Variants in ITPR2 observed in about 807,000 individuals in gnomAD.
ITPR2 encodes inositol 1,4,5-trisphosphate receptor type 2.
In ITPR2, 207 loss-of-function variants were observed where a neutral mutation model predicts 317.1. The ratio of observed to expected loss-of-function variants is 0.65; its 90% CI spans 0.58 to 0.73. The LOEUF is 0.73. Ranked by LOEUF, ITPR2 falls within the 30% of genes least tolerant of loss-of-function variation. The pLI, the probability that ITPR2 is intolerant of heterozygous loss-of-function variation, is 0.00. For synonymous variants in ITPR2, 1,156 were observed against 1,149.1 expected, an observed-to-expected ratio of 1.01 and a Z score of -0.12; for missense variants, 2,613 against 3,284.0, an observed-to-expected ratio of 0.80 and a Z score of 4.99.
chr12:26,769,025 A>ACACACACC (rs1441493996), intron 2 of ITPR2, among the ~76,000 whole-genome samples: 1 of 149,922 alleles, frequency 6.7e-6, no homozygotes, highest in African/African-American at 2.5e-5. Flanking sequence ...ACACACACAC[A>ACACACACC]CCCCAATCTC....
At chr12:26,794,574 T>C (rs10771303) in intron 1 of ITPR2, among the ~76,000 whole-genome samples, 73,856 of 151,956 alleles carry the variant, frequency 0.49, 19,478 homozygotes, top group East Asian at 0.92. Flanking sequence ...TGATGAGATA[T>C]TCTTCTGTGA....
At chr12:26,676,195 G>T (rs1947903507) in intron 13 of ITPR2, among the ~76,000 whole-genome samples, 2 of 151,170 alleles carry the variant, frequency 1.3e-5, no homozygotes, top group Admixed American at 6.6e-5. Flanking sequence ...AGTAAATTCT[G>T]GCTGGGCATG....
chr12:26,340,317 C>A lies in ITPR2; in HGVS notation c.7869G>T (p.Leu2623Phe). 1 of 1,599,402 alleles carries A rather than the reference C, an allele frequency of 6.3e-7. No individual in the cohort carries two copies. Among genetic ancestry groups the A allele is most frequent in the Admixed American group, 1.7e-5 (1 of 58,054 alleles). Residue 2623 changes from leucine (L) to phenylalanine (F), a missense_variant, in exon 56 of 57, where the codon TTG becomes TTT. By Grantham distance (22) the Leu-to-Phe change is conservative. This residue lies in a region of ITPR2 where 119 missense variants were observed against 144.3 expected (regional missense o/e 0.82). Coordinates refer to ENST00000381340, the MANE Select transcript of ITPR2 (RefSeq NM_002223.4). ...TGGCTCGCATCCGAGGAAACCAATCCAAATTCTTCTCCTGAAAGCAAATAA... is the reference window on the plus strand; with the variant it reads ...TGGCTCGCATCCGAGGAAACCAATCAAAATTCTTCTCCTGAAAGCAAATAA... ...YVAQMIVEKN[L>F]DWFPRMRAMS... is the part of the protein sequence containing the mutation.
chr12:26,647,813 G>C (rs745771330), intron 21 of ITPR2, among the ~76,000 whole-genome samples: 20 of 152,246 alleles, frequency 1.3e-4, no homozygotes, highest in Non-Finnish European at 2.6e-4. Flanking sequence ...CTGAAGATCT[G>C]ATCTTCTATT....
At chr12:26,524,161 A>G (rs1454508040) in intron 37 of ITPR2, among the ~76,000 whole-genome samples, 2 of 150,222 alleles carry the variant, frequency 1.3e-5, no homozygotes, top group Non-Finnish European at 3.0e-5. Context: ...GCAAATTTCA[A>G]ATACTCCATT....
rs147420131 is a variant in ITPR2 at position 26,590,039 on chromosome 12, T to C, written c.4380+5426A>G. Among the ~76,000 whole-genome samples, 301 of 151,694 alleles carry C rather than the reference T, an allele frequency of 2.0e-3. 3 individuals are homozygous for C. The East Asian group carries it at 0.038, about 19-fold the overall frequency. On this transcript the variant is annotated intron_variant, in intron 32 of 56. Coordinates refer to ENST00000381340, the MANE Select transcript of ITPR2 (RefSeq NM_002223.4). ...GTTGAAACTAGAATCCCAGAAACTA[T>C]ATCAGAAGAGGAATAACTGAAAGAC...
intron 54 of ITPR2, among the ~76,000 whole-genome samples, chr12:26,396,023 T>A (rs993104591): frequency 1.8e-4 from 27 of 151,698 alleles, no homozygotes; most frequent in East Asian, 5.8e-4. Context: ...CATTTAAAAA[T>A]TTTTTTATGA....
At chr12:26,765,276 GA>G (rs1212021290) in intron 2 of ITPR2, among the ~76,000 whole-genome samples, 1 of 152,048 alleles carries the variant, frequency 6.6e-6, no homozygotes, top group East Asian at 1.9e-4. Flanking sequence ...TTACAAGCAA[GA>G]AAGTGTATCA....
intron 4 of ITPR2, 87 bp from the exon 5 acceptor site, chr12:26,722,642 T>C: frequency 3.3e-6 from 3 of 921,570 alleles, no homozygotes; most frequent in Non-Finnish European, 4.9e-6. Context: ...GTATCATATA[T>C]TCATCTAACA....
chr12:26,726,963 A>T (rs1389807562), intron 2 of ITPR2, among the ~76,000 whole-genome samples: 2 of 152,152 alleles, frequency 1.3e-5, no homozygotes, highest in African/African-American at 4.8e-5. Flanking sequence ...ATAGTAAACT[A>T]ATCTTAATTT....
At chr12:26,379,345 GT>G (rs1939437044) in intron 55 of ITPR2, among the ~76,000 whole-genome samples, 3 of 152,290 alleles carry the variant, frequency 2.0e-5, no homozygotes, top group African/African-American at 7.2e-5. Context: ...ACCCATGTCA[GT>G]TATATTAGTG....
At chr12:26,669,603 G>A (rs1036136041) in intron 13 of ITPR2, among the ~76,000 whole-genome samples, 1 of 152,266 alleles carries the variant, frequency 6.6e-6, no homozygotes, top group African/African-American at 2.4e-5. Flanking sequence ...CGGGTCTACA[G>A]CTCCCAGCGT....
intron 52 of ITPR2, among the ~76,000 whole-genome samples, chr12:26,409,478 T>C (rs1940468505): frequency 6.6e-6 from 1 of 152,190 alleles, no homozygotes; most frequent in South Asian, 2.1e-4. Flanking sequence ...TGCATTGCTG[T>C]CCTATGCATT....
At chr12:26,433,493 A>G (rs1232530723) in intron 48 of ITPR2, among the ~76,000 whole-genome samples, 1 of 152,096 alleles carries the variant, frequency 6.6e-6, no homozygotes, top group African/African-American at 2.4e-5. Context: ...TAAAATTTGT[A>G]GTGTAATTGT....
chr12:26,350,602 G>A (rs1938449182), intron 55 of ITPR2, among the ~76,000 whole-genome samples: 1 of 152,118 alleles, frequency 6.6e-6, no homozygotes, highest in South Asian at 2.1e-4. Flanking sequence ...TGGATACCAA[G>A]TGTGATGAGG....
chr12:26,589,342 A>C (rs561852530), intron 32 of ITPR2, among the ~76,000 whole-genome samples: 1 of 152,224 alleles, frequency 6.6e-6, no homozygotes, highest in South Asian at 2.1e-4. Flanking sequence ...GAAAATGAAA[A>C]ATACTAAAAA....
rs78443522 is a variant in ITPR2 at position 26,733,998 on chromosome 12, A to T, written c.164-8233T>A. Reference sequence around the variant, plus strand: ...ATACATGCAGACAAGATACACACATATATAATATGTATAGATGCATAATAT... The same window carrying T: ...ATACATGCAGACAAGATACACACATTTATAATATGTATAGATGCATAATAT... On this transcript the variant is annotated intron_variant, in intron 2 of 56. Coordinates refer to ENST00000381340, the MANE Select transcript of ITPR2 (RefSeq NM_002223.4). 9.2e-3 allele frequency among the ~76,000 whole-genome samples: 1,400 copies of T among 152,332 alleles called. 22 individuals carry two copies. Among genetic ancestry groups the T allele is most frequent in the African/African-American group, 0.031 (1,297 of 41,580 alleles).
chr12:26,551,519 G>T (rs1428168270), intron 36 of ITPR2, among the ~76,000 whole-genome samples: 1 of 152,172 alleles, frequency 6.6e-6, no homozygotes, highest in Non-Finnish European at 1.5e-5. Flanking sequence ...GAGTCTCAGG[G>T]GTCTTGTGCA....
chr12:26,414,715 C>G lies in ITPR2; in HGVS notation c.7306+588G>C, dbSNP rs533249635. On this transcript the variant is annotated intron_variant, in intron 51 of 56. Coordinates refer to ENST00000381340, the MANE Select transcript of ITPR2 (RefSeq NM_002223.4). ...CACACTGATTATAAATGGACGGTGC[C>G]TAACCAGTCACGACAAAAATAGAGT... Among the ~76,000 whole-genome samples the G allele has an allele frequency of 1.6e-4, 25 of 152,236 alleles. No individual in the cohort carries two copies. In the South Asian group the frequency reaches 5.2e-3, roughly 32 times the overall value.
Sources: allele counts gnomAD v4.1 joint callset (sites outside exome capture counted in the v4.1 genomes callset), GRCh38; gene constraint gnomAD v4.1.1; regional missense constraint gnomAD v4.1.1; transcripts MANE v1.5; gene names NCBI Gene and HGNC (gene_info 2026-07-23, HGNC 2026-07-21).